Variants in SGMS1 observed in about 807,000 individuals in gnomAD.
The protein encoded by SGMS1 is phosphatidylcholine:ceramide cholinephosphotransferase 1.
Under a neutral mutation model 46.2 loss-of-function variants are expected in SGMS1, and 13 were observed. The observed-to-expected ratio is 0.28, with a 90% CI of 0.18 to 0.45. The LOEUF (loss-of-function observed/expected upper bound fraction) is 0.45. SGMS1 is among the 20% of genes least tolerant of loss of function. The probability of loss-of-function intolerance (pLI) is 1.00; values close to 1 mark genes in which losing one functional copy is unlikely to be tolerated. For synonymous variants in SGMS1, 203 were observed against 187.8 expected (o/e 1.08, Z -0.66); for missense variants, 324 against 519.9 (o/e 0.62, Z 3.66).
At chr10:50,472,149 G>A (rs533953887) in intron 3 of SGMS1, among the ~76,000 whole-genome samples, 31 of 152,036 alleles carry the variant, frequency 2.0e-4, no homozygotes, top group African/African-American at 7.5e-4. Context: ...TTTGATATAT[G>A]TTTACAATGT....
chr10:50,468,215 G>A (rs1837347884), intron 3 of SGMS1, among the ~76,000 whole-genome samples: 1 of 152,072 alleles, frequency 6.6e-6, no homozygotes, highest in African/African-American at 2.4e-5. Context: ...TCACCAATAT[G>A]GTGTCTGATG....
chr10:50,380,303 C>T (rs113541454), intron 6 of SGMS1, among the ~76,000 whole-genome samples: 38 of 151,600 alleles, frequency 2.5e-4, no homozygotes, highest in African/African-American at 9.0e-4. Flanking sequence ...ATCGCTTGAG[C>T]CCAGGAGGCA....
chr10:50,548,376 G>C (rs1474984642), intron 2 of SGMS1, among the ~76,000 whole-genome samples: 1 of 152,058 alleles, frequency 6.6e-6, no homozygotes, highest in Admixed American at 6.6e-5. Context: ...TAAACTAATA[G>C]AACAGAATAC....
chr10:50,476,037 A>T (rs1837423113), intron 3 of SGMS1, among the ~76,000 whole-genome samples: 1 of 134,482 alleles, frequency 7.4e-6, no homozygotes, highest in Non-Finnish European at 1.5e-5. Flanking sequence ...GGATCACCTG[A>T]GGTCAGGAGT....
At chr10:50,353,210 T>A (rs1848054167) in intron 6 of SGMS1, among the ~76,000 whole-genome samples, 1 of 152,282 alleles carries the variant, frequency 6.6e-6, no homozygotes, top group African/African-American at 2.4e-5. Context: ...GCAAACCGAA[T>A]CCAGCAGCAC....
At chr10:50,610,355 T>C (rs1410537134) in intron 1 of SGMS1, among the ~76,000 whole-genome samples, 1 of 152,194 alleles carries the variant, frequency 6.6e-6, no homozygotes, top group Non-Finnish European at 1.5e-5. Flanking sequence ...AATACCTTCC[T>C]GGTGAATTTA....
chr10:50,314,873 A>G (rs574098228), intron 8 of SGMS1, among the ~76,000 whole-genome samples: 2 of 152,346 alleles, frequency 1.3e-5, no homozygotes, highest in African/African-American at 2.4e-5. Flanking sequence ...GTGAGCTACA[A>G]TCATACCGCT....
At chr10:50,526,942 G>A (rs1288717389) in intron 2 of SGMS1, among the ~76,000 whole-genome samples, 1 of 151,928 alleles carries the variant, frequency 6.6e-6, no homozygotes, top group African/African-American at 2.4e-5. Flanking sequence ...GCATGTGCCT[G>A]TAGTCCCAGC....
chr10:50,431,576 GT>G (rs1321657769), intron 6 of SGMS1, among the ~76,000 whole-genome samples: 5 of 152,058 alleles, frequency 3.3e-5, no homozygotes, highest in Admixed American at 6.6e-5. Flanking sequence ...ATCTGGTTTC[GT>G]TTTTTTCCTC....
chr10:50,538,224 G>A (rs1838020899), intron 2 of SGMS1, among the ~76,000 whole-genome samples: 1 of 151,878 alleles, frequency 6.6e-6, no homozygotes, highest in Non-Finnish European at 1.5e-5. Flanking sequence ...TTGGGAGGCC[G>A]AGGCAGGCAG....
At chr10:50,468,043 C>T (rs1442283106) in intron 3 of SGMS1, among the ~76,000 whole-genome samples, 2 of 152,084 alleles carry the variant, frequency 1.3e-5, no homozygotes, top group Non-Finnish European at 2.9e-5. Context: ...GGACGGTGGC[C>T]TTCTTTCTAT....
At chr10:50,357,769 CATGAA>C (rs1848177322) in intron 6 of SGMS1, among the ~76,000 whole-genome samples, 2 of 152,020 alleles carry the variant, frequency 1.3e-5, no homozygotes, top group South Asian at 4.1e-4. Flanking sequence ...AAATGAATGC[CATGAA>C]ATTAATAATT....
intron 2 of SGMS1, 36 bp from the exon 3 acceptor site, chr10:50,519,957 A>G (rs1184488746): frequency 6.6e-6 from 1 of 152,356 alleles, no homozygotes; most frequent in Non-Finnish European, 1.5e-5. Context: ...GGAAGGAAGC[A>G]ACCAGAAGGA....
intron 1 of SGMS1, among the ~76,000 whole-genome samples, chr10:50,616,385 C>T (rs752020376): frequency 6.6e-6 from 1 of 152,176 alleles, no homozygotes; most frequent in Non-Finnish European, 1.5e-5. Flanking sequence ...ATCCTCCCAC[C>T]TCGGCCTCCC....
At chr10:50,502,058 T>G (rs1176358173) in intron 3 of SGMS1, among the ~76,000 whole-genome samples, 1 of 151,970 alleles carries the variant, frequency 6.6e-6, no homozygotes, top group Non-Finnish European at 1.5e-5. Context: ...GTGTTTGCAA[T>G]TTAGAAATAT....
chr10:50,534,711 A>G (rs750862498), intron 2 of SGMS1, among the ~76,000 whole-genome samples: 10 of 152,248 alleles, frequency 6.6e-5, no homozygotes, highest in Non-Finnish European at 1.3e-4. Context: ...TCATGCAGAA[A>G]TGCTTCAGAT....
At chr10:50,494,043 C>T (rs932607031) in intron 3 of SGMS1, among the ~76,000 whole-genome samples, 4 of 152,208 alleles carry the variant, frequency 2.6e-5, no homozygotes, top group South Asian at 2.1e-4. Flanking sequence ...GTGATCCACC[C>T]GCCTTGGCCT....
intron 6 of SGMS1, among the ~76,000 whole-genome samples, chr10:50,353,854 A>G (rs1236557133): frequency 1.3e-5 from 2 of 152,354 alleles, no homozygotes; most frequent in Non-Finnish European, 2.9e-5. Flanking sequence ...TTCAAAGAGA[A>G]TAAAATACCT....
At chr10:50,317,696 G>A (rs762045226) in intron 8 of SGMS1, among the ~76,000 whole-genome samples, 2 of 151,912 alleles carry the variant, frequency 1.3e-5, no homozygotes, top group Non-Finnish European at 2.9e-5. Context: ...ATTAATACAC[G>A]ATTGAATAGC....
Sources: gnomAD v4.1 joint callset for allele counts (sites outside exome capture counted in the v4.1 genomes callset) on GRCh38, gnomAD v4.1.1 for gene constraint, MANE v1.5 for transcripts, NCBI Gene and HGNC (gene_info 2026-07-23, HGNC 2026-07-21) for gene names.